Variants in SLIT3 observed in about 807,000 individuals in gnomAD.
SLIT3 encodes slit guidance ligand 3, also known as slit homolog 3 protein.
SLIT3 carries 68 observed loss-of-function variants against 184.0 expected under a neutral mutation model. That is an observed-to-expected ratio of 0.37 (90% CI 0.30 to 0.45). The LOEUF (loss-of-function observed/expected upper bound fraction) is 0.45. SLIT3 is among the 20% of genes least tolerant of loss of function. SLIT3 has a pLI of 1.00. For missense variants in SLIT3, 1,707 were observed against 2,026.0 expected (o/e 0.84, Z 3.02); for synonymous variants, 831 against 828.6 (o/e 1.00, Z -0.05).
chr5:168,765,838 C>A (rs780370794), intron 14 of SLIT3, among the ~76,000 whole-genome samples: 24 of 152,178 alleles, frequency 1.6e-4, no homozygotes, highest in Admixed American at 8.5e-4. Context: ...ATCTTGCCTG[C>A]TCCTGCCCCT....
intron 4 of SLIT3, among the ~76,000 whole-genome samples, chr5:169,191,852 T>C (rs973373489): frequency 6.6e-6 from 1 of 152,146 alleles, no homozygotes; most frequent in African/African-American, 2.4e-5. Context: ...CCACCTGACA[T>C]GCTGCAGCAG....
intron 4 of SLIT3, among the ~76,000 whole-genome samples, chr5:168,925,494 T>C (rs1040405335): frequency 6.6e-6 from 1 of 152,168 alleles, no homozygotes; most frequent in African/African-American, 2.4e-5. Context: ...CATTTCTCTA[T>C]TCCAGTCTTC....
rs550529326 is a variant in SLIT3, at chr5:169,264,618, G to C, written c.198-13159C>G. On this transcript the variant is annotated intron_variant, in intron 1 of 35. Coordinates refer to ENST00000519560, the MANE Select transcript of SLIT3 (RefSeq NM_003062.4). Reference sequence around the variant, plus strand: ...CACCCAGCTACCCTGATGAAAGAGAGAAACAGCATGTGTTTGAAAACCATC... The same window carrying C: ...CACCCAGCTACCCTGATGAAAGAGACAAACAGCATGTGTTTGAAAACCATC... 4.6e-5 allele frequency among the ~76,000 whole-genome samples: 7 copies of C among 152,278 alleles called. No homozygotes were observed. In the East Asian group the frequency reaches 9.7e-4, roughly 21 times the overall value.
chr5:169,136,898 TA>T, intron 4 of SLIT3, among the ~76,000 whole-genome samples: 2 of 152,150 alleles, frequency 1.3e-5, no homozygotes, highest in Non-Finnish European at 2.9e-5. Context: ...TGTTAATTTT[TA>T]AAAATAGAGA....
chr5:168,696,409 C>G lies in SLIT3; in HGVS notation c.2965G>C (p.Glu989Gln), dbSNP rs1410840877. The stretch of plus-strand genomic sequence containing the variant: ...GGGTTGATCTCACACCGCTGCCCCT[C>G]AAAGCCCAGAGGGCAGGAGCAGCTT... ...GFSCSCPLGF[E>Q]GQRCEINPDD... The change falls in exon 28 of 36, where the codon GAG becomes CAG. Residue 989 changes from glutamate to glutamine, a missense_variant. Glu to Gln is a conservative substitution (Grantham distance 29). This residue lies in a region of SLIT3 where 1,307 missense variants were observed against 1,511.6 expected (regional missense o/e 0.86). Coordinates refer to ENST00000519560, the MANE Select transcript of SLIT3 (RefSeq NM_003062.4). 2 of 1,614,042 alleles carry G rather than the reference C, an allele frequency of 1.2e-6. No homozygotes were observed. The highest frequency in any genetic ancestry group is 2.7e-5 in the African/African-American group (2 of 74,904).
At chr5:168,902,301 G>A (rs1410900841) in intron 4 of SLIT3, among the ~76,000 whole-genome samples, 1 of 152,176 alleles carries the variant, frequency 6.6e-6, no homozygotes. Context: ...GCATAGGTGG[G>A]GAACATTATA....
chr5:169,279,119 T>C (rs570799245), intron 1 of SLIT3, among the ~76,000 whole-genome samples: 3 of 152,198 alleles, frequency 2.0e-5, no homozygotes, highest in African/African-American at 7.2e-5. Flanking sequence ...TGTGTTACAC[T>C]GAAGCATATT....
chr5:168,847,510 G>A (rs1175752257), intron 5 of SLIT3, among the ~76,000 whole-genome samples: 2 of 152,124 alleles, frequency 1.3e-5, no homozygotes, highest in Admixed American at 6.5e-5. Flanking sequence ...CCATGGCACC[G>A]AGCATCAGCG....
intron 3 of SLIT3, among the ~76,000 whole-genome samples, chr5:169,216,443 T>A (rs1455848458): frequency 6.6e-6 from 1 of 152,198 alleles, no homozygotes; most frequent in Non-Finnish European, 1.5e-5. Flanking sequence ...GCACAATGGA[T>A]TATATCTAGA....
chr5:168,756,687 C>T (rs1289727893), intron 16 of SLIT3, among the ~76,000 whole-genome samples: 1 of 152,096 alleles, frequency 6.6e-6, no homozygotes. Flanking sequence ...GCCAATTACC[C>T]CCAAATGAGA....
intron 4 of SLIT3, among the ~76,000 whole-genome samples, chr5:169,160,260 C>T (rs1762435262): frequency 6.6e-6 from 1 of 152,144 alleles, no homozygotes; most frequent in Non-Finnish European, 1.5e-5. Flanking sequence ...TATTATCTTC[C>T]TTTTATAATG....
At chr5:169,199,866 C>T (rs144881306) in intron 3 of SLIT3, among the ~76,000 whole-genome samples, 2 of 152,248 alleles carry the variant, frequency 1.3e-5, no homozygotes, top group Non-Finnish European at 2.9e-5. Context: ...CCTTTGCGTC[C>T]CAACAGTAGC....
intron 4 of SLIT3, among the ~76,000 whole-genome samples, chr5:169,060,087 T>C (rs1758129229): frequency 6.6e-6 from 1 of 152,210 alleles, no homozygotes; most frequent in South Asian, 2.1e-4. Flanking sequence ...GAACTTCCAG[T>C]GTCTAGAACT....
chr5:168,809,968 C>T (rs542584745), intron 8 of SLIT3, among the ~76,000 whole-genome samples: 1 of 151,236 alleles, frequency 6.6e-6, no homozygotes, highest in Non-Finnish European at 1.5e-5. Flanking sequence ...TCCACCACAG[C>T]TTTCCATGCT....
intron 4 of SLIT3, among the ~76,000 whole-genome samples, chr5:168,933,719 G>C (rs371684632): frequency 6.6e-6 from 1 of 152,160 alleles, no homozygotes; most frequent in African/African-American, 2.4e-5. Flanking sequence ...GTGAGTAAAG[G>C]GTTGGAGAGA....
At chr5:168,875,033 G>A (rs1020656260) in intron 5 of SLIT3, among the ~76,000 whole-genome samples, 13 of 149,784 alleles carry the variant, frequency 8.7e-5, no homozygotes, top group Admixed American at 8.0e-4. Flanking sequence ...AACAATGAAT[G>A]GAATAAAAAG....
chr5:169,287,408 C>T (rs903507574), intron 1 of SLIT3, among the ~76,000 whole-genome samples: 4 of 152,132 alleles, frequency 2.6e-5, no homozygotes, highest in Admixed American at 6.5e-5. Context: ...GGTCCCTCTT[C>T]TGTCTCCCTA....
At chr5:168,969,608 T>G (rs1183936051) in intron 4 of SLIT3, among the ~76,000 whole-genome samples, 1 of 152,242 alleles carries the variant, frequency 6.6e-6, no homozygotes, top group Non-Finnish European at 1.5e-5. Context: ...CGGATGGGGC[T>G]GCTCCGCTCA....
chr5:169,197,977 C>T (rs1356725046), intron 3 of SLIT3, among the ~76,000 whole-genome samples: 2 of 152,108 alleles, frequency 1.3e-5, no homozygotes, highest in African/African-American at 4.8e-5. Flanking sequence ...TTCATCGAAC[C>T]CATCCATGTA....
Sources: allele counts gnomAD v4.1 joint callset (sites outside exome capture counted in the v4.1 genomes callset), GRCh38; gene constraint gnomAD v4.1.1; regional missense constraint gnomAD v4.1.1; transcripts MANE v1.5; gene names NCBI Gene and HGNC (gene_info 2026-07-23, HGNC 2026-07-21).